Variants in DNASE1 observed in about 807,000 individuals in gnomAD.
DNASE1 encodes deoxyribonuclease-1.
In DNASE1, 40 loss-of-function variants were observed where a neutral mutation model predicts 33.9. The ratio of observed to expected loss-of-function variants is 1.18; its 90% CI spans 0.92 to 1.54. The LOEUF (loss-of-function observed/expected upper bound fraction) is 1.54, where lower values mean the gene tolerates loss of function less well. Ranked by LOEUF, DNASE1 falls within the 40% of genes most tolerant of loss-of-function variation. The probability of loss-of-function intolerance (pLI) is 0.00; values close to 1 mark genes in which losing one functional copy is unlikely to be tolerated. For synonymous variants in DNASE1, 216 were observed against 160.0 expected (o/e 1.35, Z -2.64); for missense variants, 518 against 372.6 (o/e 1.39, Z -3.21).
At chr16:3,627,063 A>G (rs553269026) in intron 1 of DNASE1, among the ~76,000 whole-genome samples, 1 of 149,404 alleles carries the variant, frequency 6.7e-6, no homozygotes, top group East Asian at 2.0e-4. Flanking sequence ...TTTGGTAGAG[A>G]CAGGGTCTCC....
chr16:3,629,812 T>A (rs190192259), intron 1 of DNASE1, among the ~76,000 whole-genome samples: 1 of 152,234 alleles, frequency 6.6e-6, no homozygotes, highest in East Asian at 1.9e-4. Flanking sequence ...AGGGGTTTTT[T>A]AATTTGTTTT....
chr16:3,660,801 G>A (rs928570264), downstream of DNASE1: 1 of 152,198 alleles, frequency 6.6e-6, no homozygotes, highest in Non-Finnish European at 1.5e-5. Flanking sequence ...GCCCACACTT[G>A]TAATCCCAGC....
At chr16:3,662,850 C>G (rs755604222), downstream of DNASE1, 14 of 1,610,122 alleles carry the variant, frequency 8.7e-6, no homozygotes, top group Non-Finnish European at 1.2e-5. Context: ...ACACTGCGGC[C>G]AAGTGGTGGT....
At chr16:3,644,031 G>A (rs1476591618) in intron 1 of DNASE1, among the ~76,000 whole-genome samples, 7 of 152,204 alleles carry the variant, frequency 4.6e-5, no homozygotes, top group African/African-American at 1.4e-4. Context: ...GTCAGCCACC[G>A]TGCCCGGCCA....
At chr16:3,616,582 C>T (rs113297076) in intron 1 of DNASE1, among the ~76,000 whole-genome samples, 14 of 127,436 alleles carry the variant, frequency 1.1e-4, no homozygotes, top group South Asian at 2.3e-4. Flanking sequence ...GATCACAACA[C>T]TGCACTCCAG....
chr16:3,662,037 G>C, downstream of DNASE1: 2 of 1,613,286 alleles, frequency 1.2e-6, no homozygotes, highest in Non-Finnish European at 1.7e-6. Context: ...GCTCCTCCTG[G>C]GTCTTGGCCA....
At chr16:3,646,991 G>A (rs1020608209) in intron 1 of DNASE1, among the ~76,000 whole-genome samples, 1 of 152,134 alleles carries the variant, frequency 6.6e-6, no homozygotes, top group Non-Finnish European at 1.5e-5. Flanking sequence ...CCTGATGCCC[G>A]ATGCCCATCA....
chr16:3,661,924 GAAC>G (rs2043099720), downstream of DNASE1: 4 of 1,512,232 alleles, frequency 2.6e-6, no homozygotes, highest in South Asian at 1.3e-5. Context: ...CACAACAAAA[GAAC>G]ACCACACACA....
chr16:3,656,391 C>CTGGGAAG (rs2042625493), intron 4 of DNASE1, among the ~76,000 whole-genome samples: 1 of 139,808 alleles, frequency 7.2e-6, no homozygotes, highest in African/African-American at 2.7e-5. Context: ...CGCCTGGGTC[C>CTGGGAAG]CGGACCAATG....
At chr16:3,648,248 A>G (rs112758159) in intron 1 of DNASE1, among the ~76,000 whole-genome samples, 492 of 151,998 alleles carry the variant, frequency 3.2e-3, no homozygotes, top group Admixed American at 4.9e-3. Context: ...GCTGCAGTGC[A>G]CTACAATTGT....
chr16:3,640,459 T>C (rs1307476559), upstream of DNASE1, among the ~76,000 whole-genome samples: 1 of 152,198 alleles, frequency 6.6e-6, no homozygotes, highest in East Asian at 1.9e-4. Flanking sequence ...CTGGCTGTAA[T>C]TGGTGCAGTC....
chr16:3,655,882 G>A lies in DNASE1; in HGVS notation c.181G>A (p.Glu61Lys). The A allele has an allele frequency of 6.2e-7, 1 of 1,613,994 alleles. No individual in the cohort carries two copies. The highest frequency in any genetic ancestry group is 8.5e-7 in the Non-Finnish European group (1 of 1,180,012). ...LSRYDIALVQ[E>K]VRDSHLTAVG... ...CCGCTATGACATCGCCCTGGTCCAG[G>A]AGGTCAGAGACAGCCACCTGACTGC... The change falls in exon 3 of 9, where the codon GAG (glutamate) becomes AAG (lysine). Residue 61 changes from glutamate (E) to lysine (K), a missense_variant. Physicochemically the swap from Glu to Lys is moderately conservative, Grantham distance 56 (BLOSUM62 1). Transcript: ENST00000246949.
downstream of DNASE1, chr16:3,658,996 TTAATGATCATTTA>T (rs2042900961): frequency 3.5e-6 from 3 of 845,330 alleles, no homozygotes; most frequent in African/African-American, 5.1e-5. Flanking sequence ...ATAAGGTATG[TTAATGATCATTTA>T]TAGATAATAT....
chr16:3,623,234 G>C (rs1040118194), intron 1 of DNASE1, among the ~76,000 whole-genome samples: 1 of 152,144 alleles, frequency 6.6e-6, no homozygotes, highest in African/African-American at 2.4e-5. Flanking sequence ...CAAATATGCA[G>C]TGGGGGAAGG....
chr16:3,648,390 G>A (rs1384543389), intron 1 of DNASE1, among the ~76,000 whole-genome samples: 1 of 152,032 alleles, frequency 6.6e-6, no homozygotes, highest in East Asian at 1.9e-4. Flanking sequence ...GTGAAATCCC[G>A]TCTCTACTAA....
upstream of DNASE1, chr16:3,652,194 G>C (rs1329031788): frequency 6.6e-6 from 1 of 152,396 alleles, no homozygotes. Context: ...GCAGCATTTG[G>C]TCAAGAGCCA....
At chr16:3,613,184 C>T (rs911901590) in intron 1 of DNASE1, among the ~76,000 whole-genome samples, 2 of 152,132 alleles carry the variant, frequency 1.3e-5, no homozygotes, top group Non-Finnish European at 2.9e-5. Flanking sequence ...CTTTCTGTCT[C>T]TGTGGTTTTG....
chr16:3,632,056 T>A (rs2041717103), intron 1 of DNASE1, among the ~76,000 whole-genome samples: 1 of 152,352 alleles, frequency 6.6e-6, no homozygotes, highest in South Asian at 2.1e-4. Flanking sequence ...TACATTATTA[T>A]ATACTGTGTG....
chr16:3,663,716 T>G (rs1303032572), exon 10 of DNASE1: 6 of 861,218 alleles, frequency 7.0e-6, no homozygotes, highest in South Asian at 5.2e-5. Flanking sequence ...TGACAGTTAC[T>G]ACGACACCTG....
Sources: gnomAD v4.1 joint callset for allele counts (sites outside exome capture counted in the v4.1 genomes callset) on GRCh38, gnomAD v4.1.1 for gene constraint, MANE v1.5 for transcripts, NCBI Gene and HGNC (gene_info 2026-07-23, HGNC 2026-07-21) for gene names.